The following ZNF316 variants were observed in gnomAD, a reference collection of about 807,000 sequenced individuals.
ZNF316 encodes the protein zinc finger protein 316.
Under a neutral mutation model 75.6 loss-of-function variants are expected in ZNF316, and 23 were observed. The observed-to-expected ratio is 0.30, with a 90% confidence interval of 0.22 to 0.43. The LOEUF (loss-of-function observed/expected upper bound fraction) is 0.43, where lower values mean the gene tolerates loss of function less well. ZNF316 is among the 20% of genes least tolerant of loss of function. The probability of loss-of-function intolerance (pLI) is 1.00; values close to 1 mark genes in which losing one functional copy is unlikely to be tolerated. For synonymous variants in ZNF316, 827 were observed against 666.2 expected (o/e 1.24, Z -3.72); for missense variants, 1,266 against 1,409.4 (o/e 0.90, Z 1.63).
In ZNF316 at chr7:6,652,932, A is replaced by G; in HGVS notation, c.1336A>G (p.Thr446Ala). The change falls in exon 9 of 9, where the codon ACG becomes GCG. Residue 446 changes from threonine to alanine, a missense_variant. Around this residue, in one of 3 missense-constraint regions of ZNF316, gnomAD observed 961 missense variants for 990.9 expected, o/e 0.97. Coordinates refer to ENST00000382252, the MANE Select transcript of ZNF316 (RefSeq NM_001278559.2). ...CTTCGGGCGCCGCTCCTACCTGGTCACGCACCAGCGCACGCACACCGGCGA... is the reference window on the plus strand; with the variant it reads ...CTTCGGGCGCCGCTCCTACCTGGTCGCGCACCAGCGCACGCACACCGGCGA... ...AGFGRRSYLVTHQRTHTGERP... is the reference protein window; with the variant it reads ...AGFGRRSYLVAHQRTHTGERP... 10 of 1,244,826 alleles carry G rather than the reference A, an allele frequency of 8.0e-6. No individual in the cohort carries two copies. Among genetic ancestry groups the G allele is most frequent in the African/African-American group, 1.5e-5 (1 of 64,620 alleles). The allele number at this position is 1,244,826 out of a possible 1,614,324, so 77.1% of individuals were successfully genotyped here. A position where few individuals can be genotyped will look rare whatever the true frequency, so the allele number is the denominator to read the frequency against.
At chr7:6,643,479 C>T (rs1241756905) in intron 6 of ZNF316, among the ~76,000 whole-genome samples, 1 of 152,210 alleles carries the variant, frequency 6.6e-6, no homozygotes, top group Non-Finnish European at 1.5e-5. Context: ...CTTGTCCACT[C>T]GGGTGTGGGC....
At chr7:6,650,103 C>T (rs766437744) in intron 8 of ZNF316, among the ~76,000 whole-genome samples, 26 of 152,230 alleles carry the variant, frequency 1.7e-4, no homozygotes, top group South Asian at 2.1e-4. Context: ...GAACCTTCCC[C>T]GTTTGGAGGG....
intron 8 of ZNF316, 94 bp downstream of exon 8, chr7:6,644,687 C>G (rs1779369263): frequency 8.0e-6 from 5 of 624,428 alleles, no homozygotes; most frequent in Non-Finnish European, 9.2e-6. Flanking sequence ...AGACCTGGTA[C>G]CTGGTGCCTC....
chr7:6,651,780 G>A (rs1396532586), intron 8 of ZNF316, among the ~76,000 whole-genome samples: 3 of 152,176 alleles, frequency 2.0e-5, no homozygotes, highest in African/African-American at 7.2e-5. Flanking sequence ...AAAACAAAAA[G>A]CTTAGAGCTG....
rs1174542574 is a variant in ZNF316 at position 6,654,594 on chromosome 7, C to T, written c.2998C>T (p.Arg1000Trp). Reference sequence around the variant, plus strand: ...GTTCGCCGGGCCCTCGGGCGCCTACCGGGAGGGCGTCCTGTGAGGGGCCCG... The same window carrying T: ...GTTCGCCGGGCCCTCGGGCGCCTACTGGGAGGGCGTCCTGTGAGGGGCCCG... ...AAFAGPSGAY[R>W]EGVL is the part of the protein sequence containing the mutation. The change falls in exon 9 of 9, where the codon CGG becomes TGG. Residue 1000 changes from arginine to tryptophan, a missense_variant. By Grantham distance (101) the Arg-to-Trp change is moderately radical. Coordinates refer to ENST00000382252, the MANE Select transcript of ZNF316 (RefSeq NM_001278559.2). 14 of 1,186,256 alleles carry T rather than the reference C, an allele frequency of 1.2e-5. No homozygotes were observed. In the South Asian group the frequency reaches 4.2e-4, roughly 35 times the overall value. 73.5% of individuals were successfully genotyped at this position (1,186,256 alleles called of 1,614,324 possible).
Position 6,653,072 on chromosome 7 carries a change from G to A in ZNF316, c.1476G>A (p.Gln492=). The change falls in exon 9 of 9, where the codon CAG becomes CAA. Residue 492 remains glutamine, a synonymous_variant. Coordinates refer to ENST00000382252, the MANE Select transcript of ZNF316 (RefSeq NM_001278559.2). ...CGCACTGCTGTCCCGACTGCGGCCAGGCCTTCCGCCTGCGCGCCGACTTCC... is the reference window on the plus strand; with the variant it reads ...CGCACTGCTGTCCCGACTGCGGCCAAGCCTTCCGCCTGCGCGCCGACTTCC... The part of the protein sequence containing the change: ...DRPHCCPDCG[Q]AFRLRADFQR... 1 of 1,207,860 alleles carries A rather than the reference G, an allele frequency of 8.3e-7. No homozygotes were observed. The highest frequency in any genetic ancestry group is 1.0e-6 in the Non-Finnish European group (1 of 973,154). 74.8% of individuals were successfully genotyped at this position (1,207,860 alleles called of 1,614,324 possible).
intron 8 of ZNF316, among the ~76,000 whole-genome samples, chr7:6,647,003 C>T (rs1471982149): frequency 6.6e-6 from 1 of 152,212 alleles, no homozygotes; most frequent in Non-Finnish European, 1.5e-5. Context: ...TTCTCCTTAC[C>T]TGGCTTAGAT....
rs1238051691 is a variant in ZNF316 at position 6,656,894 on chromosome 7, T to G, written c.*2283T>G. Among the ~76,000 whole-genome samples, 1 of 152,200 alleles carries G rather than the reference T, an allele frequency of 6.6e-6. No homozygotes were observed. Among genetic ancestry groups the G allele is most frequent in the African/African-American group, 2.4e-5 (1 of 41,450 alleles). On this transcript the variant is annotated 3_prime_UTR_variant, in exon 9 of 9. Transcript: ENST00000382252. ...CCTCCCTTAAAGCTGATTGGTTGAT[T>G]TCTTTATTCTTATCACATGGTAGCC...
In ZNF316 at chr7:6,640,144, A is replaced by C. The variant is rs1401255552; in HGVS notation, c.-167+1003A>C. Reference sequence around the variant, plus strand: ...AATGCTCAGAGCTTCCTGGCTATTAAAGTGTGGATTTTAAAGCAACTGCTC... The same window carrying C: ...AATGCTCAGAGCTTCCTGGCTATTACAGTGTGGATTTTAAAGCAACTGCTC... On this transcript the variant is annotated intron_variant, in intron 3 of 8. Coordinates refer to ENST00000382252, the MANE Select transcript of ZNF316 (RefSeq NM_001278559.2). This position sits in a 1 kb window ranked among gnomAD's most constrained non-coding sequence, Gnocchi z 5.1. 1.3e-5 allele frequency among the ~76,000 whole-genome samples: 2 copies of C among 152,140 alleles called. No homozygotes were observed. Among genetic ancestry groups the C allele is most frequent in the Non-Finnish European group, 2.9e-5 (2 of 68,024 alleles).
In ZNF316 at chr7:6,644,465, C is replaced by G. The variant is rs1424921883; in HGVS notation, c.593-15C>G. ...CACGGGAGCCGCCTGCAGCCGCCGTCTGTTCTCCTGGCAGGATACCCAATT... is the reference window on the plus strand; with the variant it reads ...CACGGGAGCCGCCTGCAGCCGCCGTGTGTTCTCCTGGCAGGATACCCAATT... On this transcript the variant is annotated splice_polypyrimidine_tract_variant and intron_variant, in intron 7 of 8. Coordinates refer to ENST00000382252, the MANE Select transcript of ZNF316 (RefSeq NM_001278559.2). 1 of 1,229,576 alleles carries G rather than the reference C, an allele frequency of 8.1e-7. No homozygotes were observed. Among genetic ancestry groups the G allele is most frequent in the African/African-American group, 1.6e-5 (1 of 64,354 alleles). The allele number at this position is 1,229,576 out of a possible 1,614,324, so 76.2% of individuals were successfully genotyped here. A position where few individuals can be genotyped will look rare whatever the true frequency, so the allele number is the denominator to read the frequency against.
intron 8 of ZNF316, among the ~76,000 whole-genome samples, chr7:6,651,581 G>C (rs1562582969): frequency 6.6e-6 from 1 of 152,134 alleles, no homozygotes. Flanking sequence ...CTTGAACCTG[G>C]GAGGTGGAGG....
Position 6,637,399 on chromosome 7 carries a change from G to A in ZNF316, c.-479G>A, listed in dbSNP as rs1372109476. ...CGCGGGGTCCGCCGCCGGCCCGCAG[G>A]CCCCGGCCCCGGTGTCCGGCCCGTG... On this transcript the variant is annotated 5_prime_UTR_variant, in exon 1 of 9. Coordinates refer to ENST00000382252, the MANE Select transcript of ZNF316 (RefSeq NM_001278559.2). The surrounding 1 kb of genome is among the most constrained non-coding windows in gnomAD (Gnocchi z 6.2). 6.8e-6 allele frequency: 1 copy of A among 146,610 alleles called. No homozygotes were observed. Among genetic ancestry groups the A allele is most frequent in the African/African-American group, 2.5e-5 (1 of 40,368 alleles). 9.1% of individuals were successfully genotyped at this position (146,610 alleles called of 1,614,324 possible).
chr7:6,652,659 C>A lies in ZNF316; in HGVS notation c.1063C>A (p.Pro355Thr), dbSNP rs1321532466. Reference sequence around the variant, plus strand: ...GTGCGACGTGTGCGGCAAGGTCTTCCCGCACCGCTCGCGGCTGGCCAAGCA... The same window carrying A: ...GTGCGACGTGTGCGGCAAGGTCTTCACGCACCGCTCGCGGCTGGCCAAGCA... ...TTCDVCGKVF[P>T]HRSRLAKHQR... The change falls in exon 9 of 9, where the codon CCG becomes ACG. Residue 355 changes from proline to threonine, a missense_variant. Around this residue, in one of 3 missense-constraint regions of ZNF316, gnomAD observed 961 missense variants for 990.9 expected, o/e 0.97. Coordinates refer to ENST00000382252, the MANE Select transcript of ZNF316 (RefSeq NM_001278559.2). 1.6e-6 allele frequency: 2 copies of A among 1,232,054 alleles called. No homozygotes were observed. Among genetic ancestry groups the A allele is most frequent in the Non-Finnish European group, 2.0e-6 (2 of 987,814 alleles). The allele number at this position is 1,232,054 out of a possible 1,614,324, so 76.3% of individuals were successfully genotyped here.
chr7:6,654,088 AC>A lies in ZNF316; in HGVS notation c.2494del (p.Arg832AlafsTer103). 8.2e-7 allele frequency: 1 copy of A among 1,215,356 alleles called. No homozygotes were observed. Among genetic ancestry groups the A allele is most frequent in the Non-Finnish European group, 1.0e-6 (1 of 977,208 alleles). 75.3% of individuals were successfully genotyped at this position (1,215,356 alleles called of 1,614,324 possible). A position where few individuals can be genotyped will look rare whatever the true frequency, so the allele number is the denominator to read the frequency against. On this transcript the variant is annotated frameshift_variant, in exon 9 of 9. Transcript: ENST00000382252. LOFTEE classifies it high-confidence loss of function. ...HQWAHAEEKPHRCPDCGKGFG... is the reference protein window; with the variant it reads ...HQWAHAEEKPXRCPDCGKGFG... ...TGGGCGCACGCCGAGGAGAAGCCGC[AC>A]CGCTGCCCCGACTGCGGCAAGGGCT... is the stretch of plus-strand genomic sequence containing the variant.
At position 6,654,660 on chromosome 7, in the gene ZNF316, C is replaced by A; in HGVS notation, c.*49C>A. 8.6e-7 allele frequency: 1 copy of A among 1,157,714 alleles called. No individual in the cohort carries two copies. The highest frequency in any genetic ancestry group is 1.1e-6 in the Non-Finnish European group (1 of 939,210). The allele number at this position is 1,157,714 out of a possible 1,614,324, so 71.7% of individuals were successfully genotyped here. A position where few individuals can be genotyped will look rare whatever the true frequency, so the allele number is the denominator to read the frequency against. ...CAGCCTGCAGGGCCACCGGCCCCTC[C>A]CTTGGACGGCCGGCCCCCCGCTCCT... On this transcript the variant is annotated 3_prime_UTR_variant, in exon 9 of 9. Transcript: ENST00000382252.
At position 6,639,633 on chromosome 7, in the gene ZNF316, CT is replaced by C. The variant is rs2115305539; in HGVS notation, c.-167+493del. The stretch of plus-strand genomic sequence containing the variant: ...TGTGTCCTCATATATGGCGGCCTGG[CT>C]CTGGGAGTTTAAAGTTGCTGCTTCA... On this transcript the variant is annotated intron_variant, in intron 3 of 8. Transcript: ENST00000382252. The surrounding 1 kb of genome is among the most constrained non-coding windows in gnomAD (Gnocchi z 4.2). Among the ~76,000 whole-genome samples, 1 of 152,332 alleles carries C rather than the reference CT, an allele frequency of 6.6e-6. No individual in the cohort carries two copies. The highest frequency in any genetic ancestry group is 2.1e-4 in the South Asian group (1 of 4,828).
intron 8 of ZNF316, among the ~76,000 whole-genome samples, chr7:6,646,385 C>G (rs1281103361): frequency 6.6e-6 from 1 of 152,224 alleles, no homozygotes; most frequent in African/African-American, 2.4e-5. Context: ...GGGCCCGTCC[C>G]TCAGCGTGTG....
chr7:6,650,506 T>G (rs1023207051), intron 8 of ZNF316, among the ~76,000 whole-genome samples: 1 of 152,210 alleles, frequency 6.6e-6, no homozygotes, highest in African/African-American at 2.4e-5. Flanking sequence ...TGTGTTTTCC[T>G]GCGGCTCTAG....
At position 6,652,456 on chromosome 7, in the gene ZNF316, A is replaced by G; in HGVS notation, c.860A>G (p.Asp287Gly). 1 of 1,231,442 alleles carries G rather than the reference A, an allele frequency of 8.1e-7. No individual in the cohort carries two copies. The allele number at this position is 1,231,442 out of a possible 1,614,324, so 76.3% of individuals were successfully genotyped here. ...GTGCCTGGGACGTGGGGGCCCGACG[A>G]CTCGGATTCGGCGCAGACTCCAGAG... Reference protein sequence around the residue: ...GDVPGTWGPDDSDSAQTPEGW... With the variant: ...GDVPGTWGPDGSDSAQTPEGW... The change falls in exon 9 of 9, where the codon GAC becomes GGC. Residue 287 changes from aspartate (D) to glycine (G), a missense_variant. This residue lies in a region of ZNF316 where 961 missense variants were observed against 990.9 expected (regional missense o/e 0.97). Transcript: ENST00000382252.
Sources: allele counts gnomAD v4.1 joint callset (sites outside exome capture counted in the v4.1 genomes callset), GRCh38; gene constraint gnomAD v4.1.1; regional missense constraint gnomAD v4.1.1; non-coding constraint Gnocchi (gnomAD v3.1); transcripts MANE v1.5; gene names NCBI Gene and HGNC (gene_info 2026-07-23, HGNC 2026-07-21).